TDRKH: variants seen among roughly 807,000 people sequenced by gnomAD.
TDRKH encodes the protein tudor and KH domain-containing protein.
Under a neutral mutation model 61.3 loss-of-function variants are expected in TDRKH, and 28 were observed. That is an observed-to-expected ratio of 0.46 (90% CI 0.34 to 0.63). The LOEUF (loss-of-function observed/expected upper bound fraction) is 0.63, where lower values mean the gene tolerates loss of function less well. Among genes scored for constraint, TDRKH ranks in the 20% least tolerant of loss-of-function variants. The probability of loss-of-function intolerance (pLI) is 0.01; values close to 1 mark genes in which losing one functional copy is unlikely to be tolerated. For missense variants in TDRKH, 540 were observed against 683.4 expected (o/e 0.79, Z 2.34); for synonymous variants, 219 against 244.4 (o/e 0.90, Z 0.97).
chr1:151,767,506 T>C (rs894856804), downstream of TDRKH: 5 of 1,130,134 alleles, frequency 4.4e-6, no homozygotes, highest in Non-Finnish European at 5.9e-6. Flanking sequence ...AAAATCAGGA[T>C]TGGGAAAAGA....
Position 151,774,417 on chromosome 1 carries a change from CA to C in TDRKH, c.*34del, listed in dbSNP as rs772694780. The stretch of plus-strand genomic sequence containing the variant: ...ATAGATGATAGCTGCACTCACACAG[CA>C]AAGCAGATGGCTGAGCAAACTGAAG... On this transcript the variant is annotated 3_prime_UTR_variant, in exon 13 of 13. Transcript: ENST00000368824. The C allele has an allele frequency of 6.2e-7, 1 of 1,611,972 alleles. No individual in the cohort carries two copies. Among genetic ancestry groups the C allele is most frequent in the Non-Finnish European group, 8.5e-7 (1 of 1,178,624 alleles).
At chr1:151,769,053 T>C (rs1222679747), downstream of TDRKH, among the ~76,000 whole-genome samples, 1 of 151,960 alleles carries the variant, frequency 6.6e-6, no homozygotes. Context: ...GAGTCTCCTA[T>C]GTCTACTTCT....
At chr1:151,784,856 A>AG (rs1374622653) in intron 1 of TDRKH, among the ~76,000 whole-genome samples, 2 of 151,850 alleles carry the variant, frequency 1.3e-5, no homozygotes, top group Admixed American at 1.3e-4. Flanking sequence ...GATGTCTAAT[A>AG]GACATCTCAA....
chr1:151,768,334 G>A, downstream of TDRKH: 1 of 1,479,920 alleles, frequency 6.8e-7, no homozygotes, highest in Non-Finnish European at 9.0e-7. Flanking sequence ...CTAGATATAA[G>A]CAATCCATTC....
intron 11 of TDRKH, 75 bp downstream of exon 11, chr1:151,774,990 C>G: frequency 6.8e-7 from 1 of 1,481,148 alleles, no homozygotes. Context: ...AACACAGTAT[C>G]AGGACTAGAA....
chr1:151,783,573 G>GT (rs1457836838), intron 1 of TDRKH: 1 of 152,240 alleles, frequency 6.6e-6, no homozygotes, highest in Non-Finnish European at 1.5e-5. Flanking sequence ...CGCCAAAACT[G>GT]TAACTTCCCA....
intron 1 of TDRKH, among the ~76,000 whole-genome samples, chr1:151,784,933 GTTT>G (rs377380901): frequency 4.0e-5 from 5 of 126,492 alleles, no homozygotes; most frequent in Admixed American, 3.2e-4. Context: ...ATGGCAATTC[GTTT>G]TTTTTTTTTT....
In TDRKH at chr1:151,775,148, C is replaced by G. The variant is rs374169689; in HGVS notation, c.1453G>C (p.Glu485Gln). Residue 485 changes from glutamate (E) to glutamine (Q), a missense_variant, in exon 11 of 13, where the codon GAA becomes CAA. Glu to Gln is a conservative substitution (Grantham distance 29). Transcript: ENST00000368824. ...SNGKKLDIGLELVHKGYAIEL... is the reference protein window; with the variant it reads ...SNGKKLDIGLQLVHKGYAIEL... ...ATTGCGTATCCTTTGTGTACTAATT[C>G]TAGCCCAATATCAAGTTTCTGAGAA... The G allele has an allele frequency of 1.3e-5, 21 of 1,613,956 alleles. No individual in the cohort carries two copies. The highest frequency in any genetic ancestry group is 1.5e-5 in the Non-Finnish European group (18 of 1,180,022).
chr1:151,789,185 G>A (rs1281210069), intron 1 of TDRKH, among the ~76,000 whole-genome samples: 2 of 152,162 alleles, frequency 1.3e-5, no homozygotes, highest in East Asian at 3.9e-4. Context: ...GGTTTTGGCC[G>A]ACTTCTATTT....
intron 6 of TDRKH, 119 bp from the exon 7 acceptor site, chr1:151,776,718 G>C (rs567124840): frequency 8.7e-7 from 1 of 1,155,764 alleles, no homozygotes; most frequent in East Asian, 2.5e-5. Flanking sequence ...AAAATGGCAG[G>C]AGAGGCAACT....
Position 151,775,824 on chromosome 1 carries a change from G to A in TDRKH, c.1278C>T (p.Pro426=), listed in dbSNP as rs761239807. 6.2e-7 allele frequency: 1 copy of A among 1,613,270 alleles called. No homozygotes were observed. The highest frequency in any genetic ancestry group is 8.5e-7 in the Non-Finnish European group (1 of 1,179,292). ...AIECSLARIA[P]SGDQWEEEAL... Reference sequence around the variant, plus strand: ...TAGATGGCATGACCAATTTACCTGAGGGAGCAATCCGTGCCAGACTACATT... The same window carrying A: ...TAGATGGCATGACCAATTTACCTGAAGGAGCAATCCGTGCCAGACTACATT... Residue 426 remains proline (P), a synonymous_variant, in exon 9 of 13, where the codon CCC becomes CCT. Coordinates refer to ENST00000368824, the MANE Select transcript of TDRKH (RefSeq NM_001083965.2).
At chr1:151,768,915 T>C (rs1202741760), downstream of TDRKH, among the ~76,000 whole-genome samples, 1 of 152,180 alleles carries the variant, frequency 6.6e-6, no homozygotes, top group African/African-American at 2.4e-5. Flanking sequence ...AAGCACATCT[T>C]GCACCGCCCT....
intron 1 of TDRKH, chr1:151,783,275 C>T (rs967704993): frequency 2.1e-5 from 5 of 238,778 alleles, no homozygotes; most frequent in Non-Finnish European, 4.0e-5. Flanking sequence ...CTTCACTTTC[C>T]CCACCCAAGT....
intron 1 of TDRKH, among the ~76,000 whole-genome samples, chr1:151,785,677 T>C (rs1325099910): frequency 6.6e-6 from 1 of 152,232 alleles, no homozygotes; most frequent in Non-Finnish European, 1.5e-5. Flanking sequence ...TTATTCTTGC[T>C]TGTAAAAAAC....
chr1:151,783,173 T>C (rs1650000153), intron 1 of TDRKH, 124 bp from the exon 2 acceptor site: 1 of 775,364 alleles, frequency 1.3e-6, no homozygotes, highest in African/African-American at 1.8e-5. Context: ...TTTCAAGAGC[T>C]TCAGCAATTT....
chr1:151,774,537 A>T, intron 12 of TDRKH, 33 bp from the exon 13 acceptor site: 1 of 1,612,988 alleles, frequency 6.2e-7, no homozygotes, highest in Non-Finnish European at 8.5e-7. Context: ...AGAAAGTTAG[A>T]CACTGCCCTA....
chr1:151,771,168 G>A (rs756483286), downstream of TDRKH: 8 of 1,613,714 alleles, frequency 5.0e-6, no homozygotes, highest in Admixed American at 1.3e-4. Flanking sequence ...TCATCTTTAT[G>A]GTGTATCCCC....
chr1:151,775,954 AG>A, intron 8 of TDRKH, 70 bp from the exon 9 acceptor site: 1 of 1,586,560 alleles, frequency 6.3e-7, no homozygotes, highest in Non-Finnish European at 8.6e-7. Flanking sequence ...GCTTTCAGAA[AG>A]AACCAACTAA....
chr1:151,786,306 A>C (rs1045406647), intron 1 of TDRKH, among the ~76,000 whole-genome samples: 1 of 152,308 alleles, frequency 6.6e-6, no homozygotes, highest in South Asian at 2.1e-4. Context: ...GATGCCTTGG[A>C]GTACTGAAAA....
Sources: gnomAD v4.1 joint callset for allele counts (sites outside exome capture counted in the v4.1 genomes callset) on GRCh38, gnomAD v4.1.1 for gene constraint, MANE v1.5 for transcripts, NCBI Gene and HGNC (gene_info 2026-07-23, HGNC 2026-07-21) for gene names.